Variants in SPRR2G observed in about 807,000 individuals in gnomAD.
The protein encoded by SPRR2G is small proline-rich protein 2G.
SPRR2G carries 1 observed loss-of-function variant against 0.7 expected under a neutral mutation model. That is an observed-to-expected ratio of 1.49 (90% CI 0.53 to 7.06). The LOEUF (loss-of-function observed/expected upper bound fraction) is 7.06. SPRR2G is among the 30% of genes most tolerant of loss of function. The probability of loss-of-function intolerance (pLI) is 0.14; values close to 1 mark genes in which losing one functional copy is unlikely to be tolerated. For synonymous variants in SPRR2G, 38 were observed against 33.9 expected (o/e 1.12, Z -0.42); for missense variants, 96 against 88.5 (o/e 1.09, Z -0.34).
At chr1:153,160,769 C>T in the SPRR2G span, among the ~76,000 whole-genome samples, 2 of 151,190 alleles carry the variant, frequency 1.3e-5, no homozygotes, top group Non-Finnish European at 2.9e-5. Context: ...ATAAAACATG[C>T]TGCTATAAAG....
At chr1:153,159,123 T>A in the SPRR2G span, among the ~76,000 whole-genome samples, 1 of 152,250 alleles carries the variant, frequency 6.6e-6, no homozygotes, top group Non-Finnish European at 1.5e-5. Context: ...TCCTGCTTAC[T>A]TATGCAAAAC....
the SPRR2G span, chr1:153,190,026 A>G: frequency 1.3e-5 from 2 of 152,124 alleles, no homozygotes; most frequent in Admixed American, 6.5e-5. Flanking sequence ...TTTGGGGAAT[A>G]ATCTTCTTCA....
the SPRR2G span, among the ~76,000 whole-genome samples, chr1:153,177,424 T>C: frequency 1.2e-4 from 18 of 152,282 alleles, no homozygotes; most frequent in African/African-American, 4.1e-4. Context: ...AACCGCCAAA[T>C]TGTTTTCTGC....
At chr1:153,197,816 A>AG in the SPRR2G span, among the ~76,000 whole-genome samples, 1 of 152,182 alleles carries the variant, frequency 6.6e-6, no homozygotes, top group Non-Finnish European at 1.5e-5. Context: ...GGCAAAAAGG[A>AG]GGGGGATACT....
the SPRR2G span, chr1:153,190,543 A>G: frequency 6.6e-6 from 1 of 152,234 alleles, no homozygotes; most frequent in Non-Finnish European, 1.5e-5. Flanking sequence ...AATATGCCAT[A>G]TTTCCACCGG....
the SPRR2G span, among the ~76,000 whole-genome samples, chr1:153,181,357 C>CAGT: frequency 6.6e-6 from 1 of 152,106 alleles, no homozygotes; most frequent in Non-Finnish European, 1.5e-5. Flanking sequence ...GATCAAGTCA[C>CAGT]AGTATTTAGA....
chr1:153,165,668 A>G, the SPRR2G span, among the ~76,000 whole-genome samples: 3,357 of 152,324 alleles, frequency 0.022, 112 homozygotes, highest in East Asian at 0.11. Context: ...CACAGCATGT[A>G]TTCTGGTGGG....
In SPRR2G at chr1:153,149,654, A is replaced by G. The variant is rs1235696670; in HGVS notation, c.*235T>C. 6 of 600,878 alleles carry G rather than the reference A, an allele frequency of 1.0e-5. No homozygotes were observed. Among genetic ancestry groups the G allele is most frequent in the African/African-American group, 9.3e-5 (5 of 53,892 alleles). The allele number at this position is 600,878 out of a possible 1,614,324, so 37.2% of individuals were successfully genotyped here. Reference sequence around the variant, plus strand: ...TAAACACACTTGCTCTCAGGATAGGAACCACCATCTACATCACAGACAGCA... The same window carrying G: ...TAAACACACTTGCTCTCAGGATAGGGACCACCATCTACATCACAGACAGCA... On this transcript the variant is annotated 3_prime_UTR_variant, in exon 2 of 2. Transcript: ENST00000368748.
the SPRR2G span, among the ~76,000 whole-genome samples, chr1:153,162,117 T>C: frequency 0.031 from 4,684 of 152,144 alleles, 241 homozygotes; most frequent in African/African-American, 0.11. Flanking sequence ...ATATTAAGCC[T>C]AGTACCCATT....
At chr1:153,174,133 T>C in the SPRR2G span, among the ~76,000 whole-genome samples, 1 of 152,206 alleles carries the variant, frequency 6.6e-6, no homozygotes, top group Non-Finnish European at 1.5e-5. Context: ...AACAAAAGCT[T>C]TGATCAGACC....
At chr1:153,183,262 T>C in the SPRR2G span, among the ~76,000 whole-genome samples, 5 of 149,630 alleles carry the variant, frequency 3.3e-5, no homozygotes, top group Non-Finnish European at 4.4e-5. Flanking sequence ...TAATTTTGTA[T>C]TTTCAGTAGA....
At chr1:153,163,713 C>T in the SPRR2G span, among the ~76,000 whole-genome samples, 3 of 152,164 alleles carry the variant, frequency 2.0e-5, no homozygotes, top group African/African-American at 7.2e-5. Context: ...GAGTCTTCAC[C>T]CCATCCATGT....
At chr1:153,167,110 T>G in the SPRR2G span, among the ~76,000 whole-genome samples, 1 of 152,192 alleles carries the variant, frequency 6.6e-6, no homozygotes, top group Non-Finnish European at 1.5e-5. Context: ...TGGATCCTAA[T>G]AACCTTGGCA....
At chr1:153,163,702 C>T in the SPRR2G span, among the ~76,000 whole-genome samples, 2 of 152,152 alleles carry the variant, frequency 1.3e-5, no homozygotes, top group African/African-American at 4.8e-5. Flanking sequence ...CTTCCTTTCC[C>T]GAGTCTTCAC....
chr1:153,166,998 G>C, the SPRR2G span, among the ~76,000 whole-genome samples: 1 of 152,128 alleles, frequency 6.6e-6, no homozygotes, highest in Non-Finnish European at 1.5e-5. Context: ...GAGAAGAGGG[G>C]CCGAGATCCA....
chr1:153,180,710 C>G, the SPRR2G span, among the ~76,000 whole-genome samples: 2 of 152,126 alleles, frequency 1.3e-5, no homozygotes, highest in Admixed American at 6.6e-5. Flanking sequence ...CAAATTCTTT[C>G]TACCATCTAT....
upstream of SPRR2G, among the ~76,000 whole-genome samples, chr1:153,151,524 T>C (rs935211763): frequency 1.3e-5 from 2 of 152,172 alleles, no homozygotes; most frequent in African/African-American, 4.8e-5. Flanking sequence ...TAGAGTCATG[T>C]TGGGGCCCCT....
At chr1:153,161,990 T>TC in the SPRR2G span, among the ~76,000 whole-genome samples, 233 of 152,216 alleles carry the variant, frequency 1.5e-3, no homozygotes, top group South Asian at 9.7e-3. Context: ...GTGGTGGTGG[T>TC]GGTTGTTGTT....
chr1:153,184,027 G>A, the SPRR2G span, among the ~76,000 whole-genome samples: 1 of 152,182 alleles, frequency 6.6e-6, no homozygotes, highest in African/African-American at 2.4e-5. Context: ...TCAGATGGTT[G>A]TAGATGTGTG....
Sources: allele counts gnomAD v4.1 joint callset (sites outside exome capture counted in the v4.1 genomes callset), GRCh38; gene constraint gnomAD v4.1.1; transcripts MANE v1.5; gene names NCBI Gene and HGNC (gene_info 2026-07-23, HGNC 2026-07-21).